VSTM2L: variants seen among roughly 807,000 people sequenced by gnomAD.
VSTM2L encodes the protein V-set and transmembrane domain containing 2 like, also known as V-set and transmembrane domain-containing protein 2-like protein.
In VSTM2L, 9 loss-of-function variants were observed where a neutral mutation model predicts 19.9. The ratio of observed to expected loss-of-function variants is 0.45; its 90% CI spans 0.27 to 0.79. VSTM2L has a LOEUF of 0.79. Ranked by LOEUF, VSTM2L falls within the 30% of genes least tolerant of loss-of-function variation. The pLI is 0.15. For missense variants in VSTM2L, 286 were observed against 295.5 expected (o/e 0.97, Z 0.24); for synonymous variants, 127 against 133.8 (o/e 0.95, Z 0.35).
rs2072998914 is a variant in VSTM2L at position 37,944,805 on chromosome 20, G to C, written c.*552G>C. 10 of 986,282 alleles carry C rather than the reference G, an allele frequency of 1.0e-5. No homozygotes were observed. The highest frequency in any genetic ancestry group is 1.2e-5 in the Non-Finnish European group (10 of 830,330). The allele number at this position is 986,282 out of a possible 1,614,324, so 61.1% of individuals were successfully genotyped here. On this transcript the variant is annotated 3_prime_UTR_variant, in exon 4 of 4. Coordinates refer to ENST00000373461, the MANE Select transcript of VSTM2L (RefSeq NM_080607.3). ...TGGCTCTGCAGGGTCACTCATGGAGGCCTAGGGGAACAGCGAGATGCCCCA... is the reference window on the plus strand; with the variant it reads ...TGGCTCTGCAGGGTCACTCATGGAGCCCTAGGGGAACAGCGAGATGCCCCA...
In VSTM2L at chr20:37,943,994, T is replaced by C; in HGVS notation, c.356T>C (p.Val119Ala). 7.5e-7 allele frequency: 1 copy of C among 1,334,818 alleles called. No homozygotes were observed. The highest frequency in any genetic ancestry group is 1.2e-5 in the South Asian group (1 of 85,156). The allele number at this position is 1,334,818 out of a possible 1,614,324, so 82.7% of individuals were successfully genotyped here. A position where few individuals can be genotyped will look rare whatever the true frequency, so the allele number is the denominator to read the frequency against. The change falls in exon 4 of 4, where the codon GTG becomes GCG. Residue 119 changes from valine to alanine, a missense_variant. By Grantham distance (64) the Val-to-Ala change is moderately conservative. Coordinates refer to ENST00000373461, the MANE Select transcript of VSTM2L (RefSeq NM_080607.3). The stretch of plus-strand genomic sequence containing the variant: ...TGTCACCCCCAGGTGGTCAAGGTGG[T>C]GGGCAGCAACATCTCCCACAAGCTG... ...EATKISVVKVVGSNISHKLRL... is the reference protein window; with the variant it reads ...EATKISVVKVAGSNISHKLRL...
chr20:37,923,118 G>A (rs2072861541), intron 1 of VSTM2L, among the ~76,000 whole-genome samples: 1 of 152,162 alleles, frequency 6.6e-6, no homozygotes, highest in Non-Finnish European at 1.5e-5. Flanking sequence ...CCTTTTTCCA[G>A]ATAAAGGAAC....
In VSTM2L at chr20:37,929,830, A is replaced by C. The variant is rs571159814; in HGVS notation, c.122-1805A>C. Among the ~76,000 whole-genome samples the C allele has an allele frequency of 2.6e-5, 4 of 151,972 alleles. No homozygotes were observed. In the East Asian group the frequency reaches 7.8e-4, roughly 29 times the overall value. On this transcript the variant is annotated intron_variant, in intron 1 of 3. Coordinates refer to ENST00000373461, the MANE Select transcript of VSTM2L (RefSeq NM_080607.3). ...TGGAGGGAGGGAGCCCAGGGTGACT[A>C]GTTTCTGGGTTGATCCCCTGGAAGG...
rs149618321 is a variant in VSTM2L at position 37,931,720 on chromosome 20, C to T, written c.207C>T (p.Ser69=). ...EMACSFRGSG[S]PSYSLEIQWW... is the part of the protein sequence containing the mutation. ...CCTGCTCCTTCCGCGGCAGCGGCTCCCCCTCCTACTCGCTGGAGATCCAGT... is the reference window on the plus strand; with the variant it reads ...CCTGCTCCTTCCGCGGCAGCGGCTCTCCCTCCTACTCGCTGGAGATCCAGT... Residue 69 remains serine, a synonymous_variant, in exon 2 of 4, where the codon TCC becomes TCT. Transcript: ENST00000373461. 243 of 1,613,850 alleles carry T rather than the reference C, an allele frequency of 1.5e-4. No individual in the cohort carries two copies. In the African/African-American group the frequency reaches 3.0e-3, roughly 20 times the overall value.
At chr20:37,903,602 C>T in intron 1 of VSTM2L, 131 bp downstream of exon 1, 3 of 1,271,228 alleles carry the variant, frequency 2.4e-6, no homozygotes, top group South Asian at 2.1e-5. Flanking sequence ...CCCCTGCCGG[C>T]GCGGTGGACC....
intron 1 of VSTM2L, among the ~76,000 whole-genome samples, chr20:37,920,349 T>A (rs1424579951): frequency 6.6e-6 from 1 of 152,236 alleles, no homozygotes; most frequent in Non-Finnish European, 1.5e-5. Context: ...TCCTGTTGCA[T>A]CGTGGGCTCC....
intron 1 of VSTM2L, among the ~76,000 whole-genome samples, chr20:37,907,326 T>C (rs767555814): frequency 1.3e-5 from 2 of 152,202 alleles, no homozygotes; most frequent in African/African-American, 2.4e-5. Flanking sequence ...AGGCTGGTCT[T>C]GAACTCCTGG....
chr20:37,921,806 T>C (rs2072852564), intron 1 of VSTM2L, among the ~76,000 whole-genome samples: 1 of 151,246 alleles, frequency 6.6e-6, no homozygotes, highest in African/African-American at 2.4e-5. Context: ...AGGGGATTTT[T>C]GTTTTCTTTC....
chr20:37,944,322 CG>C lies in VSTM2L; in HGVS notation c.*73del. 1 of 1,348,164 alleles carries C rather than the reference CG, an allele frequency of 7.4e-7. No individual in the cohort carries two copies. Among genetic ancestry groups the C allele is most frequent in the Non-Finnish European group, 9.7e-7 (1 of 1,035,382 alleles). The allele number at this position is 1,348,164 out of a possible 1,614,324, so 83.5% of individuals were successfully genotyped here. ...AGTGCATGAGGAGCCGCCGGACCAC[CG>C]GGGACCGACTGCCTGCGTCCAGCCG... On this transcript the variant is annotated 3_prime_UTR_variant, in exon 4 of 4. Coordinates refer to ENST00000373461, the MANE Select transcript of VSTM2L (RefSeq NM_080607.3).
intron 1 of VSTM2L, among the ~76,000 whole-genome samples, chr20:37,925,702 G>T (rs910563371): frequency 6.6e-6 from 1 of 152,138 alleles, no homozygotes; most frequent in Admixed American, 6.5e-5. Flanking sequence ...CTAACCCACC[G>T]CCCGTAGGCA....
rs117217599 is a variant in VSTM2L at position 37,923,974 on chromosome 20, C to T, written c.122-7661C>T. ...GCTTGCACCTGGGTGTGGTGGCTCA[C>T]GCCTGTAATCCCAGTGCTTTGGGAG... On this transcript the variant is annotated intron_variant, in intron 1 of 3. Transcript: ENST00000373461. Among the ~76,000 whole-genome samples, 99 of 152,302 alleles carry T rather than the reference C, an allele frequency of 6.5e-4. No individual in the cohort carries two copies. In the East Asian group the frequency reaches 0.015, roughly 24 times the overall value.
At chr20:37,940,464 T>A (rs2072965763) in intron 3 of VSTM2L, among the ~76,000 whole-genome samples, 1 of 152,242 alleles carries the variant, frequency 6.6e-6, no homozygotes, top group African/African-American at 2.4e-5. Context: ...TCAGGCTCCC[T>A]GCTGCTGGAC....
chr20:37,912,607 T>C (rs2072786419), intron 1 of VSTM2L, among the ~76,000 whole-genome samples: 1 of 152,220 alleles, frequency 6.6e-6, no homozygotes, highest in African/African-American at 2.4e-5. Flanking sequence ...CCCTCTGCCC[T>C]GTGCCTGTTT....
In VSTM2L at chr20:37,931,691, A is replaced by G. The variant is rs778180937; in HGVS notation, c.178A>G (p.Met60Val). Residue 60 changes from methionine (M) to valine (V), a missense_variant, in exon 2 of 4, where the codon ATG becomes GTG. Coordinates refer to ENST00000373461, the MANE Select transcript of VSTM2L (RefSeq NM_080607.3). ...MTARTGEDVE[M>V]ACSFRGSGSP... Reference sequence around the variant, plus strand: ...AGCACGGACGGGCGAGGACGTGGAGATGGCCTGCTCCTTCCGCGGCAGCGG... The same window carrying G: ...AGCACGGACGGGCGAGGACGTGGAGGTGGCCTGCTCCTTCCGCGGCAGCGG... 2 of 1,613,508 alleles carry G rather than the reference A, an allele frequency of 1.2e-6. No individual in the cohort carries two copies. Among genetic ancestry groups the G allele is most frequent in the East Asian group, 2.2e-5 (1 of 44,880 alleles).
chr20:37,917,087 G>A (rs1454654151), intron 1 of VSTM2L, among the ~76,000 whole-genome samples: 1 of 152,166 alleles, frequency 6.6e-6, no homozygotes, highest in Non-Finnish European at 1.5e-5. Flanking sequence ...GCCAAGACGG[G>A]CGGATCACGA....
intron 1 of VSTM2L, among the ~76,000 whole-genome samples, chr20:37,905,310 C>T (rs1419611888): frequency 6.6e-6 from 1 of 152,100 alleles, no homozygotes; most frequent in African/African-American, 2.4e-5. Context: ...GGCTTATGGT[C>T]GTTCTGTCCC....
At chr20:37,933,479 A>AC in intron 2 of VSTM2L, 60 bp from the exon 3 acceptor site, 1 of 814,942 alleles carries the variant, frequency 1.2e-6, no homozygotes, top group Non-Finnish European at 1.8e-6. Flanking sequence ...CTGCCACCCC[A>AC]CCCCCACCCT....
intron 2 of VSTM2L, 104 bp from the exon 3 acceptor site, chr20:37,933,435 G>T: frequency 1.1e-6 from 1 of 926,548 alleles, no homozygotes; most frequent in Non-Finnish European, 1.7e-6. Context: ...GAATCTTAGC[G>T]GTTGTCCGTA....
At chr20:37,908,943 G>C (rs2072765018) in intron 1 of VSTM2L, among the ~76,000 whole-genome samples, 1 of 152,160 alleles carries the variant, frequency 6.6e-6, no homozygotes, top group Non-Finnish European at 1.5e-5. Context: ...GACTGTTTCG[G>C]GCCCACTGTT....
Sources: gnomAD v4.1 joint callset for allele counts (sites outside exome capture counted in the v4.1 genomes callset) on GRCh38, gnomAD v4.1.1 for gene constraint, MANE v1.5 for transcripts, NCBI Gene and HGNC (gene_info 2026-07-23, HGNC 2026-07-21) for gene names.